The following LCE7A variants were observed in gnomAD, a reference collection of about 807,000 sequenced individuals.
The protein encoded by LCE7A is late cornified envelope protein 7A.
chr1:152,860,884 C>T, the LCE7A span, among the ~76,000 whole-genome samples: 2 of 152,292 alleles, frequency 1.3e-5, no homozygotes, highest in African/African-American at 2.4e-5. Context: ...AGTTTCACTC[C>T]GGTTTCCACG....
At chr1:152,860,290 G>T in the LCE7A span, among the ~76,000 whole-genome samples, 1 of 152,158 alleles carries the variant, frequency 6.6e-6, no homozygotes, top group Non-Finnish European at 1.5e-5. Flanking sequence ...TACAGCTCAT[G>T]ATGCAAGAAA....
chr1:152,860,777 A>C, the LCE7A span, among the ~76,000 whole-genome samples: 1 of 152,164 alleles, frequency 6.6e-6, no homozygotes, highest in Non-Finnish European at 1.5e-5. Context: ...TGGACCCCTC[A>C]GGCTCCTGCT....
chr1:152,861,093 C>G, the LCE7A span, among the ~76,000 whole-genome samples: 1 of 152,194 alleles, frequency 6.6e-6, no homozygotes, highest in East Asian at 1.9e-4. Flanking sequence ...ACTCAGCTGC[C>G]TAGCTCCATA....
At chr1:152,860,728 C>T in the LCE7A span, among the ~76,000 whole-genome samples, 1 of 152,206 alleles carries the variant, frequency 6.6e-6, no homozygotes, top group East Asian at 1.9e-4. Flanking sequence ...GCAGAAATGG[C>T]AGCTCCCTGC....
At chr1:152,860,337 C>G in the LCE7A span, among the ~76,000 whole-genome samples, 1 of 152,082 alleles carries the variant, frequency 6.6e-6, no homozygotes, top group Non-Finnish European at 1.5e-5. Context: ...GTGACGTAAC[C>G]ATAGACTCAG....
At chr1:152,860,956 A>G in the LCE7A span, among the ~76,000 whole-genome samples, 1 of 152,100 alleles carries the variant, frequency 6.6e-6, no homozygotes, top group South Asian at 2.1e-4. Context: ...TAGATGTTCC[A>G]CTTGCTATAG....
At chr1:152,861,050 CA>C in the LCE7A span, among the ~76,000 whole-genome samples, 2 of 152,200 alleles carry the variant, frequency 1.3e-5, no homozygotes, top group African/African-American at 4.8e-5. Context: ...TGTCTTCCCT[CA>C]CTCTTACCCT....
the LCE7A span, among the ~76,000 whole-genome samples, chr1:152,860,809 C>G: frequency 3.3e-5 from 5 of 152,212 alleles, no homozygotes; most frequent in African/African-American, 4.8e-5. Flanking sequence ...TCCATGCCCC[C>G]CTCCAGCTCC....
At chr1:152,860,076 G>A in the LCE7A span, among the ~76,000 whole-genome samples, 1 of 152,174 alleles carries the variant, frequency 6.6e-6, no homozygotes, top group South Asian at 2.1e-4. Flanking sequence ...GATGACTAGG[G>A]CTGCTACACC....
chr1:152,860,608 G>C, the LCE7A span, among the ~76,000 whole-genome samples: 353 of 152,336 alleles, frequency 2.3e-3, 5 homozygotes, highest in African/African-American at 7.8e-3. Context: ...TTCGGGCTCT[G>C]TAGAAAAATG....
the LCE7A span, among the ~76,000 whole-genome samples, chr1:152,861,123 T>G: frequency 6.6e-6 from 1 of 152,206 alleles, no homozygotes; most frequent in East Asian, 1.9e-4. Context: ...CTCCCCCTTT[T>G]GCTGAGAACC....
Sources: gnomAD v4.1 joint callset for allele counts (sites outside exome capture counted in the v4.1 genomes callset) on GRCh38, gnomAD v4.1.1 for gene constraint, MANE v1.5 for transcripts, NCBI Gene and HGNC (gene_info 2026-07-23, HGNC 2026-07-21) for gene names.